DNAH6: variants seen among roughly 807,000 people sequenced by gnomAD.
DNAH6 encodes the protein dynein axonemal heavy chain 6, also known as axonemal beta dynein heavy chain 6.
A neutral mutation model predicts 491.4 loss-of-function variants in DNAH6; 340 were observed. The ratio of observed to expected loss-of-function variants is 0.69; its 90% CI spans 0.63 to 0.76. The LOEUF is 0.76. Ranked by LOEUF, DNAH6 falls within the 30% of genes least tolerant of loss-of-function variation. The pLI is 0.00. For missense variants in DNAH6, 4,443 were observed against 4,972.2 expected, an observed-to-expected ratio of 0.89 and a Z score of 3.20; for synonymous variants, 1,603 against 1,686.1, an observed-to-expected ratio of 0.95 and a Z score of 1.21.
chr2:84,488,440 T>G, the DNAH6 span, among the ~76,000 whole-genome samples: 1 of 151,534 alleles, frequency 6.6e-6, no homozygotes, highest in East Asian at 1.9e-4. Context: ...AATCTAAAAT[T>G]AAGTTAAATC....
chr2:84,633,218 T>C (rs1383054058), intron 29 of DNAH6, among the ~76,000 whole-genome samples: 5 of 152,218 alleles, frequency 3.3e-5, no homozygotes, highest in Non-Finnish European at 7.3e-5. Flanking sequence ...TCTCGGCGAC[T>C]GAAGTGGAAG....
rs1417587106 is a variant in DNAH6 at position 84,612,553 on chromosome 2, GA to G, written c.3475+702del. On this transcript the variant is annotated intron_variant, in intron 22 of 76. Transcript: ENST00000389394. ...TGCCCAAAAACTCTGACATAAGACA[GA>G]AATGGAAAAGAAATGTTACATGGAA... Among the ~76,000 whole-genome samples, 3 of 152,110 alleles carry G rather than the reference GA, an allele frequency of 2.0e-5. No homozygotes were observed. The East Asian group carries it at 5.8e-4, about 29-fold the overall frequency.
At chr2:84,788,045 A>G (rs912066932) in intron 68 of DNAH6, among the ~76,000 whole-genome samples, 2 of 152,190 alleles carry the variant, frequency 1.3e-5, no homozygotes, top group African/African-American at 4.8e-5. Context: ...CTAGAGCCTA[A>G]AAGGTAAAAT....
intron 29 of DNAH6, among the ~76,000 whole-genome samples, chr2:84,632,777 T>G (rs759493296): frequency 2.0e-5 from 3 of 152,230 alleles, no homozygotes; most frequent in Non-Finnish European, 4.4e-5. Context: ...CTAATCCCTT[T>G]TTTTAGAGTA....
intron 21 of DNAH6, 132 bp from the exon 22 acceptor site, chr2:84,611,542 G>A: frequency 1.4e-6 from 1 of 712,192 alleles, no homozygotes; most frequent in Non-Finnish European, 2.3e-6. Context: ...TAATTTCAAA[G>A]GACCTGTGAG....
intron 15 of DNAH6, among the ~76,000 whole-genome samples, chr2:84,588,615 A>G (rs911358509): frequency 1.3e-5 from 2 of 152,246 alleles, no homozygotes; most frequent in African/African-American, 4.8e-5. Context: ...AAACAATTTT[A>G]TCTCCATGGC....
chr2:84,631,631 G>T (rs1688406046), intron 29 of DNAH6, among the ~76,000 whole-genome samples: 1 of 152,108 alleles, frequency 6.6e-6, no homozygotes, highest in African/African-American at 2.4e-5. Flanking sequence ...TACACAGGAG[G>T]TGGAGATCAG....
Position 84,611,791 on chromosome 2 carries a change from T to C in DNAH6, c.3412T>C (p.Trp1138Arg). Residue 1138 changes from tryptophan to arginine, a missense_variant, in exon 22 of 77, where the codon TGG becomes CGG. Coordinates refer to ENST00000389394, the MANE Select transcript of DNAH6 (RefSeq NM_001370.2). The stretch of plus-strand genomic sequence containing the variant: ...GATGTTCCTTCAGGTGGATAAGTCA[T>C]GGAAAGAAATCATGAGAAAGGTGAA... ...AKMFLQVDKS[W>R]KEIMRKVNRL... 1 of 1,551,180 alleles carries C rather than the reference T, an allele frequency of 6.4e-7. No homozygotes were observed. The highest frequency in any genetic ancestry group is 1.2e-5 in the South Asian group (1 of 84,018).
the DNAH6 span, among the ~76,000 whole-genome samples, chr2:84,466,240 T>G: frequency 6.6e-6 from 1 of 152,246 alleles, no homozygotes; most frequent in African/African-American, 2.4e-5. Context: ...CCAAAGGGCT[T>G]TTATTGGCTC....
At chr2:84,764,080 A>G (rs997609022) in intron 64 of DNAH6, among the ~76,000 whole-genome samples, 1 of 152,212 alleles carries the variant, frequency 6.6e-6, no homozygotes, top group African/African-American at 2.4e-5. Context: ...GCTTTACTCC[A>G]TCTATTAATT....
intron 18 of DNAH6, among the ~76,000 whole-genome samples, chr2:84,596,104 C>T (rs184186284): frequency 3.2e-4 from 49 of 152,172 alleles, no homozygotes; most frequent in African/African-American, 1.1e-3. Flanking sequence ...CCAGATGAGG[C>T]TGGGGTAGAC....
chr2:84,703,963 T>C, intron 50 of DNAH6, 104 bp from the exon 51 acceptor site: 1 of 846,978 alleles, frequency 1.2e-6, no homozygotes, highest in South Asian at 1.8e-5. Context: ...CTTTCATCAT[T>C]ATTCTAATCC....
chr2:84,526,500 G>A (rs896079553), intron 3 of DNAH6, among the ~76,000 whole-genome samples: 2 of 151,996 alleles, frequency 1.3e-5, no homozygotes, highest in East Asian at 3.9e-4. Flanking sequence ...AGTTGTTTAA[G>A]GTACAAAATA....
At chr2:84,575,997 A>G (rs975482230) in intron 12 of DNAH6, among the ~76,000 whole-genome samples, 2 of 152,208 alleles carry the variant, frequency 1.3e-5, no homozygotes, top group African/African-American at 4.8e-5. Context: ...TATCTATGAA[A>G]TAAGAGTTTT....
intron 33 of DNAH6, among the ~76,000 whole-genome samples, 188 bp from the exon 34 acceptor site, chr2:84,653,131 A>G (rs118108417): frequency 0.022 from 3,327 of 152,206 alleles, 50 homozygotes; most frequent in Middle Eastern, 0.099. Flanking sequence ...GAAACAAACA[A>G]AATCATACAT....
At chr2:84,621,604 T>G (rs1416564179) in intron 26 of DNAH6, 53 bp downstream of exon 26, 6 of 1,094,570 alleles carry the variant, frequency 5.5e-6, no homozygotes, top group Non-Finnish European at 7.7e-6. Flanking sequence ...TCTTGGTGGG[T>G]TTTTTTTTAA....
At chr2:84,688,330 G>T in intron 44 of DNAH6, 109 bp from the exon 45 acceptor site, 1 of 852,684 alleles carries the variant, frequency 1.2e-6, no homozygotes, top group African/African-American at 1.8e-5. Context: ...TTATTGCAAA[G>T]ACCTTCAAAA....
At position 84,686,577 on chromosome 2, in the gene DNAH6, T is replaced by C. The variant is rs529294565; in HGVS notation, c.7137+20T>C. Reference sequence around the variant, plus strand: ...ATTAAGGCAAGTATGTTAGATTGACTTGACCTCATTTGAAAATTGTAAAGC... The same window carrying C: ...ATTAAGGCAAGTATGTTAGATTGACCTGACCTCATTTGAAAATTGTAAAGC... On this transcript the variant is annotated intron_variant, in intron 44 of 76. Transcript: ENST00000389394. 34 of 1,279,626 alleles carry C rather than the reference T, an allele frequency of 2.7e-5. No homozygotes were observed. The East Asian group carries it at 5.4e-4, about 20-fold the overall frequency. 79.3% of individuals were successfully genotyped at this position (1,279,626 alleles called of 1,614,324 possible).
At position 84,641,980 on chromosome 2, in the gene DNAH6, AGATGTG is replaced by A. The variant is rs1221667115; in HGVS notation, c.5006_5011del (p.Asp1669_Val1670del). 17 of 1,550,892 alleles carry A rather than the reference AGATGTG, an allele frequency of 1.1e-5. No homozygotes were observed. The South Asian group carries it at 2.0e-4, about 18-fold the overall frequency. On this transcript the variant is annotated inframe_deletion, in exon 33 of 77. Transcript: ENST00000389394. ...AAAGAGAAAACCCAGACCTAAATGAAGATGTGGTGTTGATAAGAGCTTTACAAGACT... is the reference window on the plus strand; with the variant it reads ...AAAGAGAAAACCCAGACCTAAATGAAGTGTTGATAAGAGCTTTACAAGACT...
Sources: allele counts gnomAD v4.1 joint callset (sites outside exome capture counted in the v4.1 genomes callset), GRCh38; gene constraint gnomAD v4.1.1; transcripts MANE v1.5; gene names NCBI Gene and HGNC (gene_info 2026-07-23, HGNC 2026-07-21).